The following ATP9B variants were observed in gnomAD, a reference collection of about 807,000 sequenced individuals.
ATP9B encodes ATPase phospholipid transporting 9B.
ATP9B carries 110 observed loss-of-function variants against 146.1 expected under a neutral mutation model. The ratio of observed to expected loss-of-function variants is 0.75; its 90% confidence interval spans 0.65 to 0.88. ATP9B has a LOEUF of 0.88. Among genes scored for constraint, ATP9B ranks in the 40% least tolerant of loss-of-function variants. The pLI is 0.00. For synonymous variants in ATP9B, 604 were observed against 569.7 expected (o/e 1.06, Z -0.86); for missense variants, 1,499 against 1,496.4 (o/e 1.00, Z -0.03).
At chr18:79,267,759 C>G (rs992517976) in intron 12 of ATP9B, among the ~76,000 whole-genome samples, 5 of 152,058 alleles carry the variant, frequency 3.3e-5, no homozygotes, top group Non-Finnish European at 4.4e-5. Flanking sequence ...GAGACTTGTT[C>G]TAGGGTCCAA....
chr18:79,182,184 T>G (rs554789007), intron 8 of ATP9B, among the ~76,000 whole-genome samples: 2 of 152,312 alleles, frequency 1.3e-5, no homozygotes, highest in African/African-American at 4.8e-5. Context: ...CCTGCTGATG[T>G]CTACTGAAAT....
intron 5 of ATP9B, among the ~76,000 whole-genome samples, chr18:79,138,389 C>G (rs1398584659): frequency 6.6e-6 from 1 of 152,138 alleles, no homozygotes; most frequent in African/African-American, 2.4e-5. Flanking sequence ...CACACCTTTG[C>G]AAGCAGAATG....
At chr18:79,212,541 T>G (rs2095594051) in intron 10 of ATP9B, among the ~76,000 whole-genome samples, 1 of 152,212 alleles carries the variant, frequency 6.6e-6, no homozygotes, top group Non-Finnish European at 1.5e-5. Context: ...TTTGCCTTCT[T>G]ACATCATTGT....
Position 79,288,162 on chromosome 18 carries a change from TG to T in ATP9B, c.1411+10969del, listed in dbSNP as rs1343134858. On this transcript the variant is annotated intron_variant, in intron 13 of 29. Transcript: ENST00000426216. ...TTGGTGCAGAGCTGAGTTCAATTCC[TG>T]GGTATCCTTGTTAACTTTCTGTCTC... Among the ~76,000 whole-genome samples the T allele has an allele frequency of 5.4e-4, 82 of 150,986 alleles. 1 individual carries two copies. Among genetic ancestry groups the T allele is most frequent in the Non-Finnish European group, 1.1e-3 (73 of 67,598 alleles).
At chr18:79,318,375 T>G (rs1369036694) in intron 15 of ATP9B, among the ~76,000 whole-genome samples, 1 of 152,216 alleles carries the variant, frequency 6.6e-6, no homozygotes, top group African/African-American at 2.4e-5. Context: ...CTTCATGGTC[T>G]TCCTCCCCAG....
Position 79,154,522 on chromosome 18 carries a change from G to C in ATP9B, c.745G>C (p.Asp249His). The change falls in exon 7 of 30, where the codon GAC becomes CAC. Residue 249 changes from aspartate to histidine, a missense_variant. By Grantham distance (81) the Asp-to-His change is moderately conservative. Coordinates refer to ENST00000426216, the MANE Select transcript of ATP9B (RefSeq NM_198531.5). ...TTTGCAGAATCAAAGAATTCCATCGGACATGGTGTTTCTTAGGACTTCAGA... is the reference window on the plus strand; with the variant it reads ...TTTGCAGAATCAAAGAATTCCATCGCACATGGTGTTTCTTAGGACTTCAGA... ...IVEKNQRIPSDMVFLRTSEKA... is the reference protein window; with the variant it reads ...IVEKNQRIPSHMVFLRTSEKA... 1 of 1,538,760 alleles carries C rather than the reference G, an allele frequency of 6.5e-7. No individual in the cohort carries two copies.
At chr18:79,127,065 A>C (rs1568232770) in intron 5 of ATP9B, among the ~76,000 whole-genome samples, 1 of 152,238 alleles carries the variant, frequency 6.6e-6, no homozygotes, top group Non-Finnish European at 1.5e-5. Flanking sequence ...TAGTAACCCC[A>C]AAGTCTGTTT....
chr18:79,217,874 T>C (rs2095642498), intron 11 of ATP9B, among the ~76,000 whole-genome samples: 1 of 152,246 alleles, frequency 6.6e-6, no homozygotes, highest in African/African-American at 2.4e-5. Flanking sequence ...TCTCATCCTT[T>C]ACCTGAGCTT....
chr18:79,155,188 G>T (rs1269093928), intron 7 of ATP9B, among the ~76,000 whole-genome samples: 1 of 152,110 alleles, frequency 6.6e-6, no homozygotes, highest in East Asian at 1.9e-4. Context: ...TTATAGTCTT[G>T]GTGGAAGTGC....
intron 26 of ATP9B, among the ~76,000 whole-genome samples, chr18:79,364,605 A>G (rs116386429): frequency 0.022 from 3,300 of 152,328 alleles, 57 homozygotes; most frequent in Middle Eastern, 0.054. Context: ...AAAGCTATAA[A>G]CCTTTCAGAA....
rs186155121 is a variant in ATP9B at position 79,200,993 on chromosome 18, G to C, written c.955-5944G>C. On this transcript the variant is annotated intron_variant, in intron 9 of 29. Transcript: ENST00000426216. ...GAGCACAAACTGAATTTAGGAACGG[G>C]AATGGCTTCACCCCATGAGGCACAA... Among the ~76,000 whole-genome samples, 4 of 152,318 alleles carry C rather than the reference G, an allele frequency of 2.6e-5. No homozygotes were observed. In the East Asian group the frequency reaches 7.7e-4, roughly 29 times the overall value.
chr18:79,303,845 G>T, intron 14 of ATP9B, 129 bp downstream of exon 14: 2 of 568,550 alleles, frequency 3.5e-6, no homozygotes, highest in East Asian at 2.8e-5. Flanking sequence ...TGCTACTTCA[G>T]TCGTCTGTTC....
At chr18:79,236,766 C>G (rs1279320822) in intron 11 of ATP9B, among the ~76,000 whole-genome samples, 3 of 139,468 alleles carry the variant, frequency 2.2e-5, no homozygotes, top group Non-Finnish European at 4.7e-5. Context: ...GGTCCGTGCA[C>G]GAGTCAGTGT....
At position 79,373,851 on chromosome 18, in the gene ATP9B, C is replaced by G. The variant is rs756004523; in HGVS notation, c.3071-47C>G. 2.5e-6 allele frequency: 4 copies of G among 1,599,198 alleles called. No individual in the cohort carries two copies. The African/African-American group carries it at 4.0e-5, about 16-fold the overall frequency. On this transcript the variant is annotated intron_variant, in intron 27 of 29. Transcript: ENST00000426216. ...GTTCAAGGCTGTTTCCTCTAGCTGG[C>G]TTACACCCTGCTCGTGTGCATGGAA...
chr18:79,356,458 G>A (rs1029741972), intron 25 of ATP9B, among the ~76,000 whole-genome samples: 3 of 152,210 alleles, frequency 2.0e-5, no homozygotes, highest in African/African-American at 4.8e-5. Context: ...AGTTTTATTT[G>A]TGATCAAAAA....
At chr18:79,336,801 C>A (rs938768693) in intron 18 of ATP9B, 90 bp downstream of exon 18, 190 of 1,348,162 alleles carry the variant, frequency 1.4e-4, no homozygotes, top group Non-Finnish European at 2.0e-4. Flanking sequence ...GAAATTAGAG[C>A]TGGGATCGCT....
chr18:79,119,465 C>A (rs1404465517), intron 4 of ATP9B, among the ~76,000 whole-genome samples: 1 of 152,066 alleles, frequency 6.6e-6, no homozygotes, highest in Non-Finnish European at 1.5e-5. Flanking sequence ...TTTTGAAGTA[C>A]TTTATCATTT....
At chr18:79,122,186 A>G (rs1231465727) in intron 4 of ATP9B, among the ~76,000 whole-genome samples, 3 of 152,180 alleles carry the variant, frequency 2.0e-5, no homozygotes, top group Admixed American at 1.3e-4. Flanking sequence ...CCTTTAAAAT[A>G]TTGTCTATAC....
chr18:79,234,770 TAATC>T (rs2095825511), intron 11 of ATP9B, among the ~76,000 whole-genome samples: 1 of 152,242 alleles, frequency 6.6e-6, no homozygotes, highest in African/African-American at 2.4e-5. Context: ...CTTAGGGAGA[TAATC>T]AACGGACGGT....
Sources: gnomAD v4.1 joint callset for allele counts (sites outside exome capture counted in the v4.1 genomes callset) on GRCh38, gnomAD v4.1.1 for gene constraint, MANE v1.5 for transcripts, NCBI Gene and HGNC (gene_info 2026-07-23, HGNC 2026-07-21) for gene names.